ROBO2: variants seen among roughly 807,000 people sequenced by gnomAD.
ROBO2 encodes roundabout homolog 2.
Under a neutral mutation model 160.8 loss-of-function variants are expected in ROBO2, and 53 were observed. The observed-to-expected ratio is 0.33, with a 90% CI of 0.26 to 0.41. The LOEUF (loss-of-function observed/expected upper bound fraction) is 0.41. ROBO2 is among the 10% of genes least tolerant of loss of function. The pLI, the probability that ROBO2 is intolerant of heterozygous loss-of-function variation, is 1.00. For missense variants in ROBO2, 1,577 were observed against 1,722.4 expected (o/e 0.92, Z 1.49); for synonymous variants, 664 against 611.7 (o/e 1.09, Z -1.26).
In ROBO2 at chr3:76,401,740, CA is replaced by C. The variant is rs562200056; in HGVS notation, c.109+464148del. Among the ~76,000 whole-genome samples, 554 of 142,210 alleles carry C rather than the reference CA, an allele frequency of 3.9e-3. 3 individuals are homozygous for C. Among genetic ancestry groups the C allele is most frequent in the African/African-American group, 0.012 (458 of 38,918 alleles). 93.3% of individuals were successfully genotyped at this position (142,210 alleles called of 152,430 possible). A position where few individuals can be genotyped will look rare whatever the true frequency, so the allele number is the denominator to read the frequency against. On this transcript the variant is annotated intron_variant, in intron 2 of 26. Coordinates refer to the ROBO2 transcript ENST00000487694. ...AATCAAACCTTTACTCTGACAAGAA[CA>C]AAAAAAAAACTATCATAAAACTGCA... is the stretch of plus-strand genomic sequence containing the variant.
exon 1 of ROBO2, chr3:77,040,608 C>G: frequency 6.8e-7 from 1 of 1,461,758 alleles, no homozygotes; most frequent in Non-Finnish European, 9.0e-7. Flanking sequence ...CTCAGTGTGC[C>G]CCGTTCGAGA....
intron 2 of ROBO2, among the ~76,000 whole-genome samples, chr3:77,150,288 A>G (rs991198838): frequency 7.9e-5 from 12 of 152,240 alleles, no homozygotes; most frequent in African/African-American, 2.7e-4. Flanking sequence ...TGGCGAATGC[A>G]TGCATATTAG....
chr3:76,235,161 A>G (rs1418663707), intron 2 of ROBO2, among the ~76,000 whole-genome samples: 1 of 152,146 alleles, frequency 6.6e-6, no homozygotes, highest in Admixed American at 6.5e-5. Context: ...CTTATTTGGC[A>G]TTGAGGTGCT....
At chr3:76,670,179 C>T (rs760328031) in intron 2 of ROBO2, among the ~76,000 whole-genome samples, 24 of 152,092 alleles carry the variant, frequency 1.6e-4, no homozygotes, top group Middle Eastern at 3.4e-3. Flanking sequence ...GTTATAAATT[C>T]TTTATAAAAC....
intron 8 of ROBO2, among the ~76,000 whole-genome samples, 190 bp from the exon 10 acceptor site, chr3:77,557,754 A>G (rs2093172901): frequency 6.6e-6 from 1 of 151,984 alleles, no homozygotes; most frequent in Non-Finnish European, 1.5e-5. Flanking sequence ...GTATATATGT[A>G]TGTACATATA....
chr3:76,201,457 A>G (rs1233975851), intron 2 of ROBO2, among the ~76,000 whole-genome samples: 1 of 152,106 alleles, frequency 6.6e-6, no homozygotes, highest in Non-Finnish European at 1.5e-5. Flanking sequence ...AAATCGAGAG[A>G]TATTCTCCAT....
At chr3:77,596,576 C>G in intron 18 of ROBO2, 47 bp from the exon 20 acceptor site, 1 of 1,612,490 alleles carries the variant, frequency 6.2e-7, no homozygotes, top group Non-Finnish European at 8.5e-7. Context: ...GTGTCAAAAT[C>G]TTGCATTGAG....
chr3:76,287,300 C>CTT (rs34290531), intron 2 of ROBO2, among the ~76,000 whole-genome samples: 8 of 142,044 alleles, frequency 5.6e-5, no homozygotes, highest in African/African-American at 1.3e-4. Flanking sequence ...TTTTTCTTTT[C>CTT]TTTTTTTTTT....
chr3:76,474,619 T>C (rs116762682), intron 2 of ROBO2, among the ~76,000 whole-genome samples: 2,340 of 152,250 alleles, frequency 0.015, 26 homozygotes, highest in South Asian at 0.059. Flanking sequence ...ACAGTGACTG[T>C]GCCATAAAAA....
At chr3:77,402,724 A>G (rs1209626217) in intron 2 of ROBO2, among the ~76,000 whole-genome samples, 2 of 152,026 alleles carry the variant, frequency 1.3e-5, no homozygotes, top group African/African-American at 2.4e-5. Context: ...CTAGCAGGCC[A>G]CTGTGCATGA....
intron 2 of ROBO2, among the ~76,000 whole-genome samples, chr3:76,190,161 T>C (rs903606): frequency 0.97 from 148,089 of 152,180 alleles, 72,184 homozygotes; most frequent in East Asian, 1. Flanking sequence ...CCTGTCTATA[T>C]TCTTGACAAT....
chr3:77,425,826 G>C (rs2078146509), intron 2 of ROBO2, among the ~76,000 whole-genome samples: 1 of 151,836 alleles, frequency 6.6e-6, no homozygotes, highest in African/African-American at 2.4e-5. Flanking sequence ...ACTACACCCA[G>C]CTAATTTTTG....
chr3:76,973,380 G>A (rs2059662485), intron 2 of ROBO2, among the ~76,000 whole-genome samples: 1 of 151,886 alleles, frequency 6.6e-6, no homozygotes, highest in South Asian at 2.1e-4. Flanking sequence ...CCCTGAGAGA[G>A]TATAAGAAGT....
At chr3:76,299,591 T>C (rs1415366445) in intron 2 of ROBO2, among the ~76,000 whole-genome samples, 2 of 152,100 alleles carry the variant, frequency 1.3e-5, no homozygotes, top group African/African-American at 4.8e-5. Flanking sequence ...TGAGAAAAGA[T>C]ATGGTATGAC....
At chr3:77,169,399 A>G (rs943942172) in intron 2 of ROBO2, among the ~76,000 whole-genome samples, 1 of 152,200 alleles carries the variant, frequency 6.6e-6, no homozygotes, top group African/African-American at 2.4e-5. Flanking sequence ...GACCACCTCT[A>G]AATTAAAATA....
intron 2 of ROBO2, among the ~76,000 whole-genome samples, chr3:77,123,757 A>G (rs1027679270): frequency 6.0e-5 from 9 of 149,196 alleles, no homozygotes; most frequent in African/African-American, 2.2e-4. Flanking sequence ...ATCTATATAG[A>G]TACATATCTA....
intron 2 of ROBO2, among the ~76,000 whole-genome samples, chr3:76,030,964 GC>G (rs1559849357): frequency 6.6e-6 from 1 of 152,082 alleles, no homozygotes; most frequent in Admixed American, 6.5e-5. Context: ...GGGGAGTATG[GC>G]CATTTTCACA....
At chr3:76,842,098 G>A (rs1213343999) in intron 2 of ROBO2, among the ~76,000 whole-genome samples, 1 of 152,216 alleles carries the variant, frequency 6.6e-6, no homozygotes, top group Non-Finnish European at 1.5e-5. Flanking sequence ...CCACAATCGT[G>A]TTGTTATATG....
chr3:77,167,877 G>A (rs1228400667), intron 2 of ROBO2, among the ~76,000 whole-genome samples: 1 of 152,060 alleles, frequency 6.6e-6, no homozygotes, highest in African/African-American at 2.4e-5. Flanking sequence ...CAAAAAAGGG[G>A]ACATGATGTT....
Sources: gnomAD v4.1 joint callset for allele counts (sites outside exome capture counted in the v4.1 genomes callset) on GRCh38, gnomAD v4.1.1 for gene constraint, MANE v1.5 for transcripts, NCBI Gene and HGNC (gene_info 2026-07-23, HGNC 2026-07-21) for gene names.